AVEN: variants seen among roughly 807,000 people sequenced by gnomAD.
AVEN encodes apoptosis and caspase activation inhibitor.
AVEN carries 41 observed loss-of-function variants against 38.1 expected under a neutral mutation model. That is an observed-to-expected ratio of 1.08 (90% CI 0.84 to 1.40). The LOEUF is 1.40. Ranked by LOEUF, AVEN falls within the 40% of genes most tolerant of loss-of-function variation. The pLI is 0.00. For synonymous variants in AVEN, 206 were observed against 171.8 expected (o/e 1.20, Z -1.56); for missense variants, 605 against 438.8 (o/e 1.38, Z -3.38).
At chr15:34,039,902 C>G (rs922434247), upstream of AVEN, among the ~76,000 whole-genome samples, 2 of 152,104 alleles carry the variant, frequency 1.3e-5, no homozygotes, top group Non-Finnish European at 2.9e-5. Flanking sequence ...CGGTCTCACT[C>G]CAGTCCCTTC....
intron 2 of AVEN, among the ~76,000 whole-genome samples, chr15:33,927,519 T>A (rs1358242741): frequency 6.6e-6 from 1 of 152,154 alleles, no homozygotes; most frequent in Non-Finnish European, 1.5e-5. Context: ...GATGTTCTGA[T>A]ATTTCTCTAC....
At chr15:34,013,218 C>T (rs1597349356) in intron 1 of AVEN, among the ~76,000 whole-genome samples, 1 of 152,106 alleles carries the variant, frequency 6.6e-6, no homozygotes, top group Non-Finnish European at 1.5e-5. Flanking sequence ...CGCGCCACCA[C>T]GCCCAGCTAA....
chr15:33,859,872 A>G, intron 11 of AVEN: 6 of 926,530 alleles, frequency 6.5e-6, no homozygotes, highest in East Asian at 2.6e-5. Context: ...TTTAGCATCT[A>G]CTATACCTGA....
rs185506455 is a variant in AVEN, at chr15:34,045,201, C to T, written n.1637+17721G>A. On this transcript the variant is annotated intron_variant and non_coding_transcript_variant, in intron 5 of 11. Coordinates refer to the AVEN transcript ENST00000675287. ...TGAACTCTTTCAGTTCAAGGACTAT[C>T]GTATATCTCTTTTATATGCCCCACA... 2.0e-3 allele frequency among the ~76,000 whole-genome samples: 308 copies of T among 152,260 alleles called. 2 individuals carry two copies. Among genetic ancestry groups the T allele is most frequent in the Middle Eastern group, 6.8e-3 (2 of 294 alleles).
the AVEN span, chr15:33,851,882 C>G: frequency 6.6e-6 from 1 of 151,824 alleles, no homozygotes; most frequent in South Asian, 2.1e-4. Context: ...GGAAGAAAGT[C>G]AAAATAATTG....
chr15:34,010,668 G>C (rs1273574225), intron 1 of AVEN, among the ~76,000 whole-genome samples: 1 of 152,060 alleles, frequency 6.6e-6, no homozygotes, highest in Non-Finnish European at 1.5e-5. Flanking sequence ...AAAGAAATGA[G>C]AAAGAACACA....
upstream of AVEN, among the ~76,000 whole-genome samples, chr15:34,041,317 G>A (rs966393350): frequency 1.3e-5 from 2 of 152,040 alleles, no homozygotes; most frequent in African/African-American, 4.8e-5. Context: ...GTACGTTTTA[G>A]TATCTAAGGA....
At chr15:33,990,563 T>G (rs553787343) in intron 2 of AVEN, 2 of 152,350 alleles carry the variant, frequency 1.3e-5, no homozygotes, top group African/African-American at 4.8e-5. Context: ...TATAACTAGC[T>G]TAAATTATCT....
intron 4 of AVEN, chr15:34,064,002 C>A (rs772971999): frequency 2.5e-6 from 4 of 1,614,176 alleles, no homozygotes; most frequent in Non-Finnish European, 8.5e-7. Flanking sequence ...AATGACCAAA[C>A]GAAAGAGAGT....
chr15:34,064,131 G>A, intron 4 of AVEN: 5 of 1,614,204 alleles, frequency 3.1e-6, no homozygotes, highest in Non-Finnish European at 4.2e-6. Flanking sequence ...TGACAAGTGT[G>A]TCCCAGTCAC....
chr15:33,939,774 T>C (rs963056620), intron 2 of AVEN, among the ~76,000 whole-genome samples: 13 of 152,144 alleles, frequency 8.5e-5, no homozygotes, highest in African/African-American at 3.1e-4. Flanking sequence ...CACTACCCCC[T>C]AATGTAATGG....
intron 2 of AVEN, among the ~76,000 whole-genome samples, chr15:33,909,582 T>C (rs953103032): frequency 3.3e-5 from 5 of 152,210 alleles, no homozygotes; most frequent in African/African-American, 9.6e-5. Context: ...ACAATGTTCT[T>C]TGGAATTAGC....
At chr15:34,001,576 C>T (rs955560895) in intron 2 of AVEN, among the ~76,000 whole-genome samples, 7 of 152,034 alleles carry the variant, frequency 4.6e-5, no homozygotes, top group Non-Finnish European at 8.8e-5. Context: ...CATAATTGGC[C>T]AAAATATAGG....
At chr15:33,870,865 G>C in intron 4 of AVEN, 70 bp downstream of exon 4, 1 of 1,107,100 alleles carries the variant, frequency 9.0e-7, no homozygotes, top group Non-Finnish European at 1.3e-6. Context: ...ATCCTGCTGA[G>C]GGAAGTGTTC....
chr15:34,038,876 CCGGCCACGGCCA>C lies in AVEN; in HGVS notation c.159_170del (p.Arg55_Gly58del). The C allele has an allele frequency of 8.7e-7, 1 of 1,145,438 alleles. No homozygotes were observed. Among genetic ancestry groups the C allele is most frequent in the Non-Finnish European group, 1.1e-6 (1 of 936,756 alleles). 71.0% of individuals were successfully genotyped at this position (1,145,438 alleles called of 1,614,324 possible). On this transcript the variant is annotated inframe_deletion, in exon 1 of 6. Transcript: ENST00000306730. ...GGCCTCCGCGAGCGCCGCGGAAGCC[CCGGCCACGGCCA>C]CGGCCCCGGCGTCCGCCTCCGTCCC...
downstream of AVEN, chr15:33,854,762 C>G (rs201701548): frequency 3.4e-5 from 54 of 1,598,522 alleles, 1 homozygote; most frequent in East Asian, 2.2e-4. Flanking sequence ...TCTTCCATTC[C>G]CAGTCCTTTC....
intron 11 of AVEN, among the ~76,000 whole-genome samples, chr15:33,859,333 G>A (rs149781287): frequency 6.6e-6 from 1 of 152,222 alleles, no homozygotes; most frequent in Non-Finnish European, 1.5e-5. Flanking sequence ...ACCTTTAATG[G>A]GCCTAAAAAT....
chr15:34,021,523 G>A (rs1567472350), intron 1 of AVEN, among the ~76,000 whole-genome samples: 1 of 152,066 alleles, frequency 6.6e-6, no homozygotes, highest in Non-Finnish European at 1.5e-5. Context: ...GACCTCAGGT[G>A]AGCCACCGCG....
intron 2 of AVEN, among the ~76,000 whole-genome samples, chr15:33,943,119 A>G (rs187253334): frequency 2.9e-3 from 441 of 152,350 alleles, no homozygotes; most frequent in African/African-American, 9.9e-3. Context: ...ATATTTATCC[A>G]AAAGAGTTGG....
Sources: gnomAD v4.1 joint callset for allele counts (sites outside exome capture counted in the v4.1 genomes callset) on GRCh38, gnomAD v4.1.1 for gene constraint, MANE v1.5 for transcripts, NCBI Gene and HGNC (gene_info 2026-07-23, HGNC 2026-07-21) for gene names.